MAPK10: variants seen among roughly 807,000 people sequenced by gnomAD.
MAPK10 encodes JNK3 alpha protein kinase.
A neutral mutation model predicts 59.3 loss-of-function variants in MAPK10; 25 were observed. The ratio of observed to expected loss-of-function variants is 0.42; its 90% confidence interval spans 0.31 to 0.59. The LOEUF is 0.59. Among genes scored for constraint, MAPK10 ranks in the 20% least tolerant of loss-of-function variants. MAPK10 has a pLI of 0.15. For missense variants in MAPK10, 351 were observed against 568.9 expected, an observed-to-expected ratio of 0.62 and a Z score of 3.90; for synonymous variants, 190 against 200.5, an observed-to-expected ratio of 0.95 and a Z score of 0.44.
chr4:86,336,859 C>T (rs564284773), intron 2 of MAPK10, among the ~76,000 whole-genome samples: 1 of 136,668 alleles, frequency 7.3e-6, no homozygotes, highest in East Asian at 2.3e-4. Flanking sequence ...GGTGCGATCT[C>T]AGCTCGCTGC....
chr4:86,331,646 T>G (rs575150174), intron 2 of MAPK10, among the ~76,000 whole-genome samples: 1 of 152,160 alleles, frequency 6.6e-6, no homozygotes, highest in African/African-American at 2.4e-5. Flanking sequence ...AAGAAAAACG[T>G]TCTCAGTTGG....
At chr4:86,343,444 C>T (rs1166578448) in intron 2 of MAPK10, among the ~76,000 whole-genome samples, 5 of 152,148 alleles carry the variant, frequency 3.3e-5, no homozygotes, top group African/African-American at 9.7e-5. Flanking sequence ...CAGCCTTCCT[C>T]ATTTATGGTA....
rs559360778 is a variant in MAPK10, at chr4:86,217,902, ATGGAATGTTGTCCACAAAATCAT to A, written c.-6-23518_-6-23496del. ...TGCAAACCTCAAATTAAAAATAGCA[ATGGAATGTTGTCCACAAAATCAT>A]TCTGATTTTTATTTAGAATTACTTA... On this transcript the variant is annotated intron_variant, in intron 2 of 13. Transcript: ENST00000641462. Among the ~76,000 whole-genome samples the A allele has an allele frequency of 6.6e-5, 10 of 152,220 alleles. No individual in the cohort carries two copies. The South Asian group carries it at 2.1e-3, about 32-fold the overall frequency.
intron 2 of MAPK10, among the ~76,000 whole-genome samples, chr4:86,230,371 T>C (rs943658057): frequency 2.0e-5 from 3 of 152,196 alleles, no homozygotes; most frequent in African/African-American, 7.2e-5. Context: ...TAAAGAAAGG[T>C]TTGGCATACG....
intron 9 of MAPK10, chr4:86,082,292 G>A (rs541046122): frequency 1.2e-3 from 182 of 152,220 alleles, no homozygotes; most frequent in African/African-American, 3.9e-3. Context: ...TAGCATATGT[G>A]TGTCTATTTA....
At chr4:86,019,815 A>G (rs1745440921) in intron 13 of MAPK10, among the ~76,000 whole-genome samples, 1 of 152,130 alleles carries the variant, frequency 6.6e-6, no homozygotes, top group South Asian at 2.1e-4. Context: ...CTTTTTTCTT[A>G]CTATTTGTCT....
At chr4:86,429,740 C>A (rs560538096) in intron 1 of MAPK10, 22 of 151,648 alleles carry the variant, frequency 1.5e-4, no homozygotes, top group African/African-American at 5.3e-4. Context: ...GAGTTTCTGG[C>A]TGCAATGAGC....
intron 1 of MAPK10, among the ~76,000 whole-genome samples, chr4:86,437,218 A>T (rs1748869969): frequency 6.6e-6 from 1 of 151,682 alleles, no homozygotes; most frequent in South Asian, 2.1e-4. Context: ...TGTCTCAAAA[A>T]AAAAAAAAAA....
At chr4:86,262,189 C>A (rs189721904) in intron 2 of MAPK10, among the ~76,000 whole-genome samples, 1 of 152,162 alleles carries the variant, frequency 6.6e-6, no homozygotes, top group Non-Finnish European at 1.5e-5. Flanking sequence ...GTCACTATAG[C>A]GGGAGTGGGT....
intron 1 of MAPK10, chr4:86,429,715 ATCAC>A (rs2149039772): frequency 6.6e-6 from 1 of 152,230 alleles, no homozygotes; most frequent in East Asian, 1.9e-4. Context: ...AGGCAGGAGG[ATCAC>A]TCAAGCACAG....
chr4:86,141,813 T>C (rs2063709063), intron 4 of MAPK10, among the ~76,000 whole-genome samples: 2 of 152,356 alleles, frequency 1.3e-5, no homozygotes, highest in African/African-American at 2.4e-5. Flanking sequence ...GTTGCTATAA[T>C]AGAACACCTG....
At chr4:86,099,814 G>A (rs2054997273) in intron 8 of MAPK10, 1 of 152,056 alleles carries the variant, frequency 6.6e-6, no homozygotes, top group South Asian at 2.1e-4. Context: ...AATAACTCGT[G>A]AAGAAAGTAT....
intron 1 of MAPK10, among the ~76,000 whole-genome samples, chr4:86,536,753 G>A (rs1758270858): frequency 6.6e-6 from 1 of 152,168 alleles, no homozygotes; most frequent in African/African-American, 2.4e-5. Context: ...TTTGATATAA[G>A]TAAAATTATC....
At chr4:86,111,653 A>G (rs1471527147) in intron 4 of MAPK10, among the ~76,000 whole-genome samples, 2 of 152,180 alleles carry the variant, frequency 1.3e-5, no homozygotes, top group Admixed American at 1.3e-4. Flanking sequence ...GGATTTTTGC[A>G]TCAATGCTAA....
chr4:86,288,006 T>A (rs1356090832), intron 2 of MAPK10, among the ~76,000 whole-genome samples: 1 of 152,090 alleles, frequency 6.6e-6, no homozygotes, highest in Admixed American at 6.6e-5. Context: ...GAGTAACATA[T>A]GGAAAATGGT....
intron 2 of MAPK10, among the ~76,000 whole-genome samples, chr4:86,342,968 A>G (rs1243106157): frequency 6.6e-6 from 1 of 152,058 alleles, no homozygotes; most frequent in African/African-American, 2.4e-5. Flanking sequence ...ACAGACCCCA[A>G]ATTCCTTCAC....
chr4:86,149,520 G>T lies in MAPK10; in HGVS notation c.236+9778C>A, dbSNP rs375010023. ...GACCTCAGGTGATACACCCACCTCG[G>T]CCTGCCAAAGTGCTAGCATTACAGG... On this transcript the variant is annotated intron_variant, in intron 4 of 13. Coordinates refer to ENST00000641462, the MANE Select transcript of MAPK10 (RefSeq NM_138982.4). 7.2e-4 allele frequency among the ~76,000 whole-genome samples: 109 copies of T among 152,254 alleles called. 2 individuals carry two copies. The South Asian group carries it at 0.022, about 30-fold the overall frequency.
chr4:86,466,548 T>C (rs1463630233), intron 1 of MAPK10, among the ~76,000 whole-genome samples: 1 of 152,226 alleles, frequency 6.6e-6, no homozygotes, highest in Non-Finnish European at 1.5e-5. Context: ...ACCGAGCTTG[T>C]CTTGGCAGTG....
At chr4:86,320,561 T>C (rs993987796) in intron 2 of MAPK10, among the ~76,000 whole-genome samples, 3 of 152,226 alleles carry the variant, frequency 2.0e-5, no homozygotes, top group African/African-American at 7.2e-5. Flanking sequence ...ATATTAGCCC[T>C]TTGTCAGATG....
Sources: allele counts gnomAD v4.1 joint callset (sites outside exome capture counted in the v4.1 genomes callset), GRCh38; gene constraint gnomAD v4.1.1; transcripts MANE v1.5; gene names NCBI Gene and HGNC (gene_info 2026-07-23, HGNC 2026-07-21).